Variants in ARSB observed in about 807,000 individuals in gnomAD.
ARSB encodes arylsulfatase B, also known as N-acetylgalactosamine-4-sulfatase.
Under a neutral mutation model 50.9 loss-of-function variants are expected in ARSB, and 41 were observed. That is an observed-to-expected ratio of 0.81 (90% confidence interval 0.63 to 1.04). The LOEUF (loss-of-function observed/expected upper bound fraction) is 1.04, where lower values mean the gene tolerates loss of function less well. Ranked by LOEUF, ARSB falls within the 50% of genes least tolerant of loss-of-function variation. The pLI, the probability that ARSB is intolerant of heterozygous loss-of-function variation, is 0.00. For missense variants in ARSB, 672 were observed against 693.3 expected, an observed-to-expected ratio of 0.97 and a Z score of 0.35; for synonymous variants, 269 against 284.8, an observed-to-expected ratio of 0.94 and a Z score of 0.56.
intron 6 of ARSB, among the ~76,000 whole-genome samples, chr5:78,804,833 G>A (rs763312373): frequency 2.6e-5 from 4 of 152,186 alleles, no homozygotes; most frequent in Admixed American, 1.3e-4. Flanking sequence ...ATGCTGCCCC[G>A]TGCTCCATGC....
intron 4 of ARSB, among the ~76,000 whole-genome samples, chr5:78,899,949 T>A (rs1483752193): frequency 6.6e-6 from 1 of 152,198 alleles, no homozygotes; most frequent in Non-Finnish European, 1.5e-5. Context: ...CAGCTTGTTT[T>A]GTCTTTCATT....
chr5:78,837,897 C>G (rs547362367), intron 6 of ARSB, among the ~76,000 whole-genome samples: 1 of 152,136 alleles, frequency 6.6e-6, no homozygotes, highest in African/African-American at 2.4e-5. Context: ...CACTGACATG[C>G]GTTTACTCCA....
At chr5:78,794,896 A>T (rs1743125044) in intron 6 of ARSB, among the ~76,000 whole-genome samples, 1 of 152,228 alleles carries the variant, frequency 6.6e-6, no homozygotes, top group African/African-American at 2.4e-5. Context: ...TAATAGCAGT[A>T]TTAGCAGCAA....
intron 4 of ARSB, among the ~76,000 whole-genome samples, chr5:78,947,134 T>C (rs1056827036): frequency 3.3e-5 from 5 of 152,118 alleles, no homozygotes; most frequent in Non-Finnish European, 5.9e-5. Context: ...CAAATCAAAA[T>C]GGATTAAAGA....
intron 3 of ARSB, among the ~76,000 whole-genome samples, chr5:78,962,590 C>T (rs1376490484): frequency 1.5e-5 from 2 of 134,422 alleles, no homozygotes; most frequent in Admixed American, 8.4e-5. Context: ...TGTAGTGGTG[C>T]GATCTCGGCT....
At chr5:78,785,647 T>C (rs1398228996) in intron 6 of ARSB, among the ~76,000 whole-genome samples, 1 of 152,222 alleles carries the variant, frequency 6.6e-6, no homozygotes, top group Non-Finnish European at 1.5e-5. Flanking sequence ...GTGAGACTCT[T>C]ATGCAATAGA....
At chr5:78,938,370 C>T (rs1317142488) in intron 4 of ARSB, among the ~76,000 whole-genome samples, 1 of 152,198 alleles carries the variant, frequency 6.6e-6, no homozygotes, top group East Asian at 1.9e-4. Context: ...AAAGAGGTGG[C>T]ATGAATTAAT....
intron 4 of ARSB, among the ~76,000 whole-genome samples, chr5:78,919,290 C>T (rs1749697012): frequency 6.6e-6 from 1 of 152,178 alleles, no homozygotes; most frequent in Non-Finnish European, 1.5e-5. Context: ...CATCAGCGCA[C>T]TTGCAACATC....
At chr5:78,846,319 T>C (rs1231233463) in intron 5 of ARSB, among the ~76,000 whole-genome samples, 2 of 152,208 alleles carry the variant, frequency 1.3e-5, no homozygotes, top group Non-Finnish European at 1.5e-5. Context: ...GGCAGTGTGA[T>C]GCCTCCAACT....
At chr5:78,902,955 G>A (rs1748872491) in intron 4 of ARSB, among the ~76,000 whole-genome samples, 3 of 151,928 alleles carry the variant, frequency 2.0e-5, no homozygotes, top group African/African-American at 7.3e-5. Context: ...TACTGTATGA[G>A]GAAAAAGAAG....
intron 4 of ARSB, among the ~76,000 whole-genome samples, chr5:78,886,093 T>C (rs763529757): frequency 2.0e-4 from 30 of 152,174 alleles, no homozygotes; most frequent in Non-Finnish European, 2.5e-4. Flanking sequence ...CTCGATGATA[T>C]GCGCTTTGGA....
chr5:78,853,155 T>C (rs994707830), intron 5 of ARSB, among the ~76,000 whole-genome samples: 1 of 152,252 alleles, frequency 6.6e-6, no homozygotes, highest in Admixed American at 6.5e-5. Flanking sequence ...TTTCCAGTTT[T>C]TCTGCTCTGT....
chr5:78,912,377 G>A (rs1351596263), intron 4 of ARSB, among the ~76,000 whole-genome samples: 1 of 152,234 alleles, frequency 6.6e-6, no homozygotes, highest in Non-Finnish European at 1.5e-5. Context: ...AGGTCATGGA[G>A]TGATTTGGTG....
intron 6 of ARSB, among the ~76,000 whole-genome samples, chr5:78,782,737 G>C (rs1748962535): frequency 6.6e-6 from 1 of 152,164 alleles, no homozygotes; most frequent in Admixed American, 6.5e-5. Context: ...AAATTGACTG[G>C]AGAGAATACA....
At chr5:78,940,851 T>C (rs1171369402) in intron 4 of ARSB, among the ~76,000 whole-genome samples, 2 of 152,198 alleles carry the variant, frequency 1.3e-5, no homozygotes. Flanking sequence ...GGGGATGGCA[T>C]TGAATCTATA....
chr5:78,944,686 C>G (rs1210580932), intron 4 of ARSB, among the ~76,000 whole-genome samples: 7 of 152,204 alleles, frequency 4.6e-5, no homozygotes, highest in Non-Finnish European at 1.5e-5. Context: ...CAGTCTGCCC[C>G]TACAAGGGGG....
intron 1 of ARSB, among the ~76,000 whole-genome samples, chr5:78,971,046 T>C (rs533958801): frequency 1.3e-5 from 2 of 152,278 alleles, no homozygotes; most frequent in East Asian, 3.9e-4. Flanking sequence ...GCAGTGAGAC[T>C]TGGAGAAATC....
chr5:78,935,667 A>G (rs1282269829), intron 4 of ARSB, among the ~76,000 whole-genome samples: 1 of 152,346 alleles, frequency 6.6e-6, no homozygotes, highest in Non-Finnish European at 1.5e-5. Context: ...CCACTTAGCT[A>G]TTATTATATC....
intron 5 of ARSB, among the ~76,000 whole-genome samples, chr5:78,851,571 T>C (rs1420767039): frequency 2.6e-5 from 4 of 152,288 alleles, no homozygotes; most frequent in Middle Eastern, 3.4e-3. Flanking sequence ...AGATGTCTAT[T>C]AGGTCCGCTT....
Sources: gnomAD v4.1 joint callset for allele counts (sites outside exome capture counted in the v4.1 genomes callset) on GRCh38, gnomAD v4.1.1 for gene constraint, MANE v1.5 for transcripts, NCBI Gene and HGNC (gene_info 2026-07-23, HGNC 2026-07-21) for gene names.